HDAC9: variants seen among roughly 807,000 people sequenced by gnomAD.
The protein encoded by HDAC9 is histone deacetylase 9.
A neutral mutation model predicts 139.4 loss-of-function variants in HDAC9; 41 were observed. The observed-to-expected ratio is 0.29, with a 90% confidence interval of 0.23 to 0.38. The LOEUF is 0.38. Among genes scored for constraint, HDAC9 ranks in the 10% least tolerant of loss-of-function variants. The pLI, the probability that HDAC9 is intolerant of heterozygous loss-of-function variation, is 1.00. For missense variants in HDAC9, 1,147 were observed against 1,297.0 expected (o/e 0.88, Z 1.78); for synonymous variants, 517 against 476.2 (o/e 1.09, Z -1.12).
At chr7:18,708,961 G>A (rs1036945869) in intron 12 of HDAC9, among the ~76,000 whole-genome samples, 1 of 151,558 alleles carries the variant, frequency 6.6e-6, no homozygotes, top group Non-Finnish European at 1.5e-5. Context: ...ATACACACAT[G>A]TATACATACA....
At chr7:18,755,530 C>G (rs758668172) in intron 14 of HDAC9, among the ~76,000 whole-genome samples, 2 of 151,956 alleles carry the variant, frequency 1.3e-5, no homozygotes, top group African/African-American at 4.8e-5. Context: ...TTTAAAAAAG[C>G]AAAGCTTTAA....
chr7:18,698,515 A>G (rs944784042), intron 12 of HDAC9, among the ~76,000 whole-genome samples: 10 of 152,254 alleles, frequency 6.6e-5, no homozygotes, highest in Admixed American at 6.5e-5. Flanking sequence ...TTGCTGATAT[A>G]GTATTTCTCT....
chr7:18,318,089 G>T (rs1446977726), intron 1 of HDAC9, among the ~76,000 whole-genome samples: 1 of 152,104 alleles, frequency 6.6e-6, no homozygotes, highest in Non-Finnish European at 1.5e-5. Context: ...GAGAGGAAAA[G>T]AATTATATCA....
intron 2 of HDAC9, among the ~76,000 whole-genome samples, chr7:18,177,452 A>G (rs1789011005): frequency 6.6e-6 from 1 of 151,918 alleles, no homozygotes. Flanking sequence ...GGCTTATCTT[A>G]TTTTTCTCCT....
intron 16 of HDAC9, among the ~76,000 whole-genome samples, chr7:18,784,255 T>C (rs770561781): frequency 3.9e-5 from 6 of 151,966 alleles, no homozygotes; most frequent in Non-Finnish European, 7.4e-5. Flanking sequence ...TTTCTTCTCT[T>C]TTCTTTTCTT....
chr7:18,356,105 C>A (rs1304146407), intron 1 of HDAC9, among the ~76,000 whole-genome samples: 1 of 151,690 alleles, frequency 6.6e-6, no homozygotes, highest in African/African-American at 2.4e-5. Flanking sequence ...TTTAAAAATG[C>A]ATGTAAAAAA....
intron 2 of HDAC9, among the ~76,000 whole-genome samples, chr7:18,500,192 A>T (rs577051243): frequency 2.6e-5 from 4 of 152,278 alleles, no homozygotes; most frequent in African/African-American, 9.6e-5. Flanking sequence ...AAGTAAGAAA[A>T]TCCAATAAAA....
intron 24 of HDAC9, among the ~76,000 whole-genome samples, chr7:18,962,607 T>A (rs1783598841): frequency 6.6e-6 from 1 of 152,118 alleles, no homozygotes; most frequent in Non-Finnish European, 1.5e-5. Flanking sequence ...CTATGCATGC[T>A]TCTAGGACTG....
chr7:18,286,029 C>A (rs1026294909), upstream of HDAC9, among the ~76,000 whole-genome samples: 1 of 152,016 alleles, frequency 6.6e-6, no homozygotes, highest in African/African-American at 2.4e-5. Flanking sequence ...AATTTTCAAA[C>A]CTGTAAACAT....
At chr7:18,905,471 GATACTT>G (rs1802149171) in intron 22 of HDAC9, among the ~76,000 whole-genome samples, 1 of 152,164 alleles carries the variant, frequency 6.6e-6, no homozygotes, top group South Asian at 2.1e-4. Flanking sequence ...AGGATAGTGT[GATACTT>G]ATAGTTTCTT....
chr7:18,716,646 A>G (rs910195755), intron 12 of HDAC9, among the ~76,000 whole-genome samples: 8 of 152,184 alleles, frequency 5.3e-5, no homozygotes, highest in South Asian at 2.1e-4. Context: ...AATATTCTGT[A>G]TATAGGTAGT....
chr7:18,972,531 C>T (rs568143434), intron 24 of HDAC9, among the ~76,000 whole-genome samples: 7 of 152,076 alleles, frequency 4.6e-5, no homozygotes, highest in African/African-American at 1.4e-4. Context: ...TAGGCATGCA[C>T]CACCACGCCT....
At chr7:18,251,327 G>A (rs527572098) in intron 2 of HDAC9, among the ~76,000 whole-genome samples, 3 of 152,168 alleles carry the variant, frequency 2.0e-5, no homozygotes, top group Admixed American at 2.0e-4. Context: ...GGACACACTG[G>A]GAGGAAACAG....
intron 21 of HDAC9, among the ~76,000 whole-genome samples, chr7:18,842,037 T>A (rs964622597): frequency 1.3e-5 from 2 of 152,110 alleles, no homozygotes; most frequent in Non-Finnish European, 2.9e-5. Context: ...AAAATGAACA[T>A]TTAGATTTAA....
Position 18,732,885 on chromosome 7 carries a change from G to A in HDAC9, c.1909+5128G>A, listed in dbSNP as rs552031099. Among the ~76,000 whole-genome samples, 678 of 96,204 alleles carry A rather than the reference G, an allele frequency of 7.0e-3. 153 individuals are homozygous for A. Among genetic ancestry groups the A allele is most frequent in the African/African-American group, 0.025 (455 of 18,416 alleles). 63.1% of individuals were successfully genotyped at this position (96,204 alleles called of 152,430 possible). On this transcript the variant is annotated intron_variant, in intron 13 of 25. Transcript: ENST00000686413. ...CGTATGTGTACACACACACGTGTGCGTATGTGTACACACACACGTGTGCGT... is the reference window on the plus strand; with the variant it reads ...CGTATGTGTACACACACACGTGTGCATATGTGTACACACACACGTGTGCGT...
At chr7:18,221,106 C>CTTTTTTTTTTTTTTTTTTTTTTTTTTTT (rs537033538) in intron 2 of HDAC9, among the ~76,000 whole-genome samples, 3 of 139,688 alleles carry the variant, frequency 2.1e-5, no homozygotes, top group African/African-American at 8.2e-5. Flanking sequence ...ATTTCTATTC[C>CTTTTTTTTTTTTTTTTTTTTTTTTTTTT]TTTTTTTTTT....
intron 24 of HDAC9, among the ~76,000 whole-genome samples, chr7:18,969,657 CA>C (rs1391563312): frequency 3.3e-5 from 5 of 151,704 alleles, no homozygotes; most frequent in Admixed American, 2.0e-4. Flanking sequence ...AGATAAAAAC[CA>C]TGCAAATTGA....
In HDAC9 at chr7:18,996,593, T is replaced by C. The variant is rs1163798401; in HGVS notation, c.*531T>C. 6.5e-6 allele frequency: 1 copy of C among 152,844 alleles called. No homozygotes were observed. Among genetic ancestry groups the C allele is most frequent in the African/African-American group, 2.4e-5 (1 of 41,432 alleles). 9.5% of individuals were successfully genotyped at this position (152,844 alleles called of 1,614,324 possible). A position where few individuals can be genotyped will look rare whatever the true frequency, so the allele number is the denominator to read the frequency against. On this transcript the variant is annotated 3_prime_UTR_variant, in exon 26 of 26. Transcript: ENST00000686413. ...TGTTTCTTGTTTGTTTGTTTTGTTT[T>C]GTTAGGGTTTTTTTCTCAACTTTAA... is the stretch of plus-strand genomic sequence containing the variant.
intron 2 of HDAC9, among the ~76,000 whole-genome samples, chr7:18,507,340 G>A (rs1426223606): frequency 1.3e-5 from 2 of 150,766 alleles, no homozygotes; most frequent in Non-Finnish European, 3.0e-5. Context: ...ACAGGCGCCC[G>A]CCACCACGCC....
Sources: allele counts gnomAD v4.1 joint callset (sites outside exome capture counted in the v4.1 genomes callset), GRCh38; gene constraint gnomAD v4.1.1; transcripts MANE v1.5; gene names NCBI Gene and HGNC (gene_info 2026-07-23, HGNC 2026-07-21).